Variants in RAPGEF4 observed in about 807,000 individuals in gnomAD.
The protein encoded by RAPGEF4 is RAP guanine-nucleotide-exchange factor (GEF) 4.
A neutral mutation model predicts 147.9 loss-of-function variants in RAPGEF4; 66 were observed. The observed-to-expected ratio is 0.45, with a 90% CI of 0.37 to 0.55. The LOEUF is 0.55. Among genes scored for constraint, RAPGEF4 ranks in the 20% least tolerant of loss-of-function variants. The pLI, the probability that RAPGEF4 is intolerant of heterozygous loss-of-function variation, is 0.00. For synonymous variants in RAPGEF4, 419 were observed against 442.7 expected, an observed-to-expected ratio of 0.95 and a Z score of 0.67; for missense variants, 1,071 against 1,257.3, an observed-to-expected ratio of 0.85 and a Z score of 2.24.
At chr2:173,036,078 G>A (rs755500758) in intron 27 of RAPGEF4, 47 bp from the exon 28 acceptor site, 2 of 1,369,490 alleles carry the variant, frequency 1.5e-6, no homozygotes, top group South Asian at 2.3e-5. Flanking sequence ...ACAAAGGGTG[G>A]TGTATCTGTC....
At chr2:172,874,297 G>A (rs538944706) in intron 4 of RAPGEF4, among the ~76,000 whole-genome samples, 32 of 152,194 alleles carry the variant, frequency 2.1e-4, no homozygotes, top group Admixed American at 6.5e-4. Context: ...TGTGCACAAT[G>A]TGCAGGTTTG....
chr2:172,744,017 A>G (rs542382534), intron 1 of RAPGEF4: 21 of 165,820 alleles, frequency 1.3e-4, no homozygotes, highest in Admixed American at 1.1e-3. Flanking sequence ...ATACTTGTCT[A>G]AAGTTGACCT....
chr2:173,016,401 A>G lies in RAPGEF4; in HGVS notation c.1862A>G (p.Glu621Gly). 1 of 1,613,670 alleles carries G rather than the reference A, an allele frequency of 6.2e-7. No individual in the cohort carries two copies. Among genetic ancestry groups the G allele is most frequent in the Non-Finnish European group, 8.5e-7 (1 of 1,179,586 alleles). Residue 621 changes from glutamate to glycine, a missense_variant, in exon 19 of 31, where the codon GAG (glutamate) becomes GGG (glycine). Transcript: ENST00000397081. ...DDARMIAALKEQLPELEKIVK... is the reference protein window; with the variant it reads ...DDARMIAALKGQLPELEKIVK... Reference sequence around the variant, plus strand: ...GCCCGGATGATTGCTGCCCTCAAGGAGCAACTGCCAGAGTTGGAGAAGATT... The same window carrying G: ...GCCCGGATGATTGCTGCCCTCAAGGGGCAACTGCCAGAGTTGGAGAAGATT...
intron 6 of RAPGEF4, among the ~76,000 whole-genome samples, chr2:172,941,398 G>A (rs2105329583): frequency 6.6e-6 from 1 of 152,202 alleles, no homozygotes; most frequent in Admixed American, 6.5e-5. Flanking sequence ...TTTGTATAAT[G>A]TATATTTTGA....
intron 1 of RAPGEF4, 134 bp from the exon 2 acceptor site, chr2:172,794,891 G>C: frequency 1.1e-6 from 1 of 905,210 alleles, no homozygotes. Flanking sequence ...TAAGGGGGTG[G>C]ATAAATATTT....
intron 23 of RAPGEF4, among the ~76,000 whole-genome samples, chr2:173,021,860 A>C (rs1696131224): frequency 6.6e-6 from 1 of 152,196 alleles, no homozygotes; most frequent in Non-Finnish European, 1.5e-5. Context: ...TTGGAGAGGA[A>C]CTTAGCAAAT....
chr2:172,911,369 T>C (rs1207703398), intron 4 of RAPGEF4, among the ~76,000 whole-genome samples: 1 of 152,186 alleles, frequency 6.6e-6, no homozygotes, highest in African/African-American at 2.4e-5. Flanking sequence ...AAGTTACCAA[T>C]CTGTAGCAAT....
chr2:172,794,271 C>A (rs1462641094), intron 1 of RAPGEF4, among the ~76,000 whole-genome samples: 3 of 144,978 alleles, frequency 2.1e-5, no homozygotes, highest in African/African-American at 7.7e-5. Flanking sequence ...CGCTTGAACC[C>A]AGGAGGCAGA....
At chr2:172,911,056 C>T (rs557596288) in intron 4 of RAPGEF4, among the ~76,000 whole-genome samples, 2 of 152,334 alleles carry the variant, frequency 1.3e-5, no homozygotes, top group Middle Eastern at 3.4e-3. Flanking sequence ...CAGTTCACAA[C>T]CCCTCCCACA....
intron 1 of RAPGEF4, among the ~76,000 whole-genome samples, chr2:172,747,530 A>T (rs1363607040): frequency 6.6e-6 from 1 of 152,210 alleles, no homozygotes; most frequent in African/African-American, 2.4e-5. Context: ...GCAGTGGCAC[A>T]ATCATAGCTA....
chr2:172,740,010 G>T (rs1481243438), intron 1 of RAPGEF4, among the ~76,000 whole-genome samples: 2 of 152,204 alleles, frequency 1.3e-5, no homozygotes, highest in Non-Finnish European at 2.9e-5. Context: ...AAATTTCAGT[G>T]TCTATAAACA....
chr2:172,871,731 T>C (rs1368217163), intron 4 of RAPGEF4, among the ~76,000 whole-genome samples: 2 of 151,412 alleles, frequency 1.3e-5, no homozygotes, highest in South Asian at 2.1e-4. Flanking sequence ...AGGAAGTATA[T>C]ATTAAATTAG....
At chr2:173,009,595 A>G (rs1694818673) in intron 17 of RAPGEF4, among the ~76,000 whole-genome samples, 1 of 152,214 alleles carries the variant, frequency 6.6e-6, no homozygotes. Flanking sequence ...ATCCAAAAAA[A>G]AAATCTGAAA....
chr2:172,747,516 G>C (rs7596096), intron 1 of RAPGEF4, among the ~76,000 whole-genome samples: 3,120 of 152,110 alleles, frequency 0.021, 114 homozygotes, highest in African/African-American at 0.071. Flanking sequence ...ACCCAGGCTA[G>C]AGTGCAGTGG....
At chr2:172,940,552 A>G (rs1687046170) in intron 6 of RAPGEF4, among the ~76,000 whole-genome samples, 1 of 152,126 alleles carries the variant, frequency 6.6e-6, no homozygotes, top group Non-Finnish European at 1.5e-5. Context: ...CACCATGAGT[A>G]AAAGCTCCCT....
intron 6 of RAPGEF4, among the ~76,000 whole-genome samples, chr2:172,954,069 C>T (rs1179363441): frequency 6.6e-6 from 1 of 152,094 alleles, no homozygotes; most frequent in Non-Finnish European, 1.5e-5. Flanking sequence ...CAAGGAGACC[C>T]TTTTTTGGCT....
chr2:172,980,840 G>A lies in RAPGEF4; in HGVS notation c.1005-2656G>A, dbSNP rs937593762. On this transcript the variant is annotated intron_variant, in intron 10 of 30. Transcript: ENST00000397081. ...TCATTATGTATGTGTGTGCAGAAGC[G>A]GGGTCTCACTCTGTTGCCCAGGCTG... Among the ~76,000 whole-genome samples, 11 of 152,004 alleles carry A rather than the reference G, an allele frequency of 7.2e-5. 1 individual carries two copies. The highest frequency in any genetic ancestry group is 6.2e-4 in the South Asian group (3 of 4,804).
intron 11 of RAPGEF4, among the ~76,000 whole-genome samples, chr2:172,983,819 T>C (rs1691952893): frequency 6.6e-6 from 1 of 152,150 alleles, no homozygotes; most frequent in Admixed American, 6.6e-5. Context: ...AGCAGCCCCA[T>C]GTGAGTAGGG....
At chr2:172,898,391 T>C (rs1040632198) in intron 4 of RAPGEF4, among the ~76,000 whole-genome samples, 1 of 152,192 alleles carries the variant, frequency 6.6e-6, no homozygotes, top group African/African-American at 2.4e-5. Context: ...CGTCTTCTCT[T>C]TACTCCAGTT....
Sources: allele counts gnomAD v4.1 joint callset (sites outside exome capture counted in the v4.1 genomes callset), GRCh38; gene constraint gnomAD v4.1.1; transcripts MANE v1.5; gene names NCBI Gene and HGNC (gene_info 2026-07-23, HGNC 2026-07-21).